CPNE4: variants seen among roughly 807,000 people sequenced by gnomAD.
The protein encoded by CPNE4 is copine-4.
In CPNE4, 25 loss-of-function variants were observed where a neutral mutation model predicts 67.9. That is an observed-to-expected ratio of 0.37 (90% CI 0.27 to 0.51). The LOEUF (loss-of-function observed/expected upper bound fraction) is 0.51. Among genes scored for constraint, CPNE4 ranks in the 20% least tolerant of loss-of-function variants. The pLI is 0.93. For synonymous variants in CPNE4, 242 were observed against 244.9 expected (o/e 0.99, Z 0.11); for missense variants, 464 against 690.8 (o/e 0.67, Z 3.68).
chr3:131,591,386 A>C (rs1271700173), intron 7 of CPNE4, among the ~76,000 whole-genome samples: 1 of 152,168 alleles, frequency 6.6e-6, no homozygotes, highest in Non-Finnish European at 1.5e-5. Flanking sequence ...AAAGAGCAGG[A>C]GTTCCCTTCT....
rs576353144 is a variant in CPNE4 at position 131,782,472 on chromosome 3, ACACACACACATG to A, written c.181-58859_181-58848del. Among the ~76,000 whole-genome samples the A allele has an allele frequency of 1.5e-4, 16 of 106,104 alleles. No homozygotes were observed. The East Asian group carries it at 6.0e-3, about 40-fold the overall frequency. 69.6% of individuals were successfully genotyped at this position (106,104 alleles called of 152,430 possible). A position where few individuals can be genotyped will look rare whatever the true frequency, so the allele number is the denominator to read the frequency against. On this transcript the variant is annotated intron_variant, in intron 2 of 15. Transcript: ENST00000429747. ...TTATTTCATCGATTTAAAGTAATACACACACACACATGCACACACATGCATACACACACACAT... is the reference window on the plus strand; with the variant it reads ...TTATTTCATCGATTTAAAGTAATACACACACACATGCATACACACACACAT...
At chr3:131,808,744 G>A (rs1289676577) in intron 2 of CPNE4, among the ~76,000 whole-genome samples, 3 of 152,102 alleles carry the variant, frequency 2.0e-5, no homozygotes, top group African/African-American at 4.8e-5. Flanking sequence ...CAGTATTGAG[G>A]TTCTTAGAAT....
rs1428972313 is a variant in CPNE4, at chr3:131,674,039, AT to A, written c.592-4276del. Reference sequence around the variant, plus strand: ...TTATCATGAAGGGATGTTGAATTGTATCAAATGCTTCTTCAGTATTAATTGA... The same window carrying A: ...TTATCATGAAGGGATGTTGAATTGTACAAATGCTTCTTCAGTATTAATTGA... On this transcript the variant is annotated intron_variant, in intron 6 of 15. Coordinates refer to ENST00000429747, the MANE Select transcript of CPNE4 (RefSeq NM_130808.3). Among the ~76,000 whole-genome samples, 5 of 151,942 alleles carry A rather than the reference AT, an allele frequency of 3.3e-5. No individual in the cohort carries two copies. The East Asian group carries it at 9.7e-4, about 29-fold the overall frequency.
intron 2 of CPNE4, among the ~76,000 whole-genome samples, chr3:131,743,545 G>A (rs1048575129): frequency 6.6e-6 from 1 of 152,062 alleles, no homozygotes; most frequent in African/African-American, 2.4e-5. Context: ...GCATCCAGTG[G>A]TGCACACAAA....
intron 10 of CPNE4, among the ~76,000 whole-genome samples, chr3:131,564,719 G>A (rs1463817754): frequency 1.3e-5 from 2 of 151,808 alleles, no homozygotes; most frequent in East Asian, 1.9e-4. Flanking sequence ...ACACTCCCTG[G>A]GCAGAACAAT....
chr3:131,675,707 G>A (rs969446503), intron 6 of CPNE4, among the ~76,000 whole-genome samples: 47 of 152,024 alleles, frequency 3.1e-4, no homozygotes, highest in Non-Finnish European at 6.6e-4. Flanking sequence ...TAGGTAAAGT[G>A]TATTTTTTGT....
chr3:131,761,671 A>G (rs2082894659), intron 2 of CPNE4, among the ~76,000 whole-genome samples: 1 of 152,100 alleles, frequency 6.6e-6, no homozygotes, highest in Admixed American at 6.6e-5. Context: ...TGCACTTAGT[A>G]ACTTTACAAT....
chr3:131,770,008 T>G (rs1424985027), intron 2 of CPNE4, among the ~76,000 whole-genome samples: 2 of 152,134 alleles, frequency 1.3e-5, no homozygotes, highest in African/African-American at 4.8e-5. Context: ...TGCATTCACT[T>G]CAGTAAAAAA....
intron 1 of CPNE4, among the ~76,000 whole-genome samples, chr3:131,952,277 C>T (rs1201010734): frequency 2.0e-5 from 3 of 151,166 alleles, no homozygotes; most frequent in African/African-American, 7.3e-5. Flanking sequence ...AGGTGAAGAG[C>T]GTCTCTGCCC....
chr3:131,642,138 G>C (rs1473160701), intron 7 of CPNE4, among the ~76,000 whole-genome samples: 1 of 151,958 alleles, frequency 6.6e-6, no homozygotes, highest in Non-Finnish European at 1.5e-5. Flanking sequence ...AATGCCAGCT[G>C]TTCCCCCAAA....
chr3:131,592,348 C>T (rs1582858217), intron 7 of CPNE4, among the ~76,000 whole-genome samples: 1 of 152,190 alleles, frequency 6.6e-6, no homozygotes. Context: ...ACAACTAACA[C>T]TAGGTAATCC....
chr3:131,723,734 C>T, intron 2 of CPNE4, 109 bp from the exon 3 acceptor site: 1 of 987,026 alleles, frequency 1.0e-6, no homozygotes. Context: ...TAAATGCTCC[C>T]CAGCAAGTCA....
chr3:131,790,786 T>C (rs2083696111), intron 2 of CPNE4, among the ~76,000 whole-genome samples: 1 of 152,208 alleles, frequency 6.6e-6, no homozygotes, highest in Non-Finnish European at 1.5e-5. Flanking sequence ...TATACACAAA[T>C]ACAAAAACAT....
In CPNE4 at chr3:131,684,849, A is replaced by T. The variant is rs116547887; in HGVS notation, c.591+1026T>A. Among the ~76,000 whole-genome samples the T allele has an allele frequency of 5.0e-3, 755 of 152,288 alleles. 6 individuals carry two copies. The highest frequency in any genetic ancestry group is 0.016 in the African/African-American group (675 of 41,550). ...AAAATGAAAAATGGAGATCGTGGTT[A>T]GTTGTTGAATGTGTGTGTGGTAGTG... On this transcript the variant is annotated intron_variant, in intron 6 of 15. Coordinates refer to ENST00000429747, the MANE Select transcript of CPNE4 (RefSeq NM_130808.3).
chr3:131,552,324 G>T (rs1389458191), intron 13 of CPNE4, 116 bp downstream of exon 13: 8 of 848,050 alleles, frequency 9.4e-6, no homozygotes, highest in Non-Finnish European at 1.9e-6. Flanking sequence ...GATACAGAAA[G>T]CAGAGATTCT....
At chr3:131,802,805 A>G (rs2084178877) in intron 2 of CPNE4, among the ~76,000 whole-genome samples, 1 of 152,246 alleles carries the variant, frequency 6.6e-6, no homozygotes, top group South Asian at 2.1e-4. Flanking sequence ...TTTTATGGAC[A>G]TAGAGAAAGA....
At chr3:131,651,733 C>T (rs1257930193) in intron 7 of CPNE4, among the ~76,000 whole-genome samples, 2 of 152,144 alleles carry the variant, frequency 1.3e-5, no homozygotes, top group East Asian at 3.9e-4. Flanking sequence ...TGGGGTAGTA[C>T]CTGGCACAGT....
intron 1 of CPNE4, among the ~76,000 whole-genome samples, chr3:131,943,544 T>C (rs2071462005): frequency 6.6e-6 from 1 of 152,106 alleles, no homozygotes; most frequent in Non-Finnish European, 1.5e-5. Context: ...TTACTTCTTA[T>C]TCAAAAGCTC....
intron 1 of CPNE4, among the ~76,000 whole-genome samples, chr3:131,958,464 T>C (rs2699848): frequency 0.52 from 78,385 of 151,632 alleles, 21,623 homozygotes; most frequent in Admixed American, 0.67. Flanking sequence ...TTCAGCAAGC[T>C]CCCTAGGCGA....
Sources: gnomAD v4.1 joint callset for allele counts (sites outside exome capture counted in the v4.1 genomes callset) on GRCh38, gnomAD v4.1.1 for gene constraint, MANE v1.5 for transcripts, NCBI Gene and HGNC (gene_info 2026-07-23, HGNC 2026-07-21) for gene names.